SPOCK1: variants seen among roughly 807,000 people sequenced by gnomAD.
SPOCK1 encodes the protein testican-1.
SPOCK1 carries 23 observed loss-of-function variants against 55.3 expected under a neutral mutation model. That is an observed-to-expected ratio of 0.42 (90% CI 0.30 to 0.59). SPOCK1 has a LOEUF of 0.59. Among genes scored for constraint, SPOCK1 ranks in the 20% least tolerant of loss-of-function variants. The pLI is 0.22. For missense variants in SPOCK1, 499 were observed against 552.5 expected, an observed-to-expected ratio of 0.90 and a Z score of 0.97; for synonymous variants, 226 against 221.0, an observed-to-expected ratio of 1.02 and a Z score of -0.20.
intron 3 of SPOCK1, among the ~76,000 whole-genome samples, chr5:137,217,537 G>T (rs1755741412): frequency 6.6e-6 from 1 of 152,212 alleles, no homozygotes; most frequent in South Asian, 2.1e-4. Flanking sequence ...CCTCTTCAGG[G>T]ATGGGATGTA....
intron 6 of SPOCK1, among the ~76,000 whole-genome samples, chr5:137,018,701 AG>A (rs1751500723): frequency 1.3e-5 from 2 of 152,180 alleles, no homozygotes; most frequent in Admixed American, 1.3e-4. Context: ...AATGCATATT[AG>A]GATTTTTTTT....
At chr5:137,297,056 T>C (rs1757503327) in intron 2 of SPOCK1, among the ~76,000 whole-genome samples, 1 of 152,226 alleles carries the variant, frequency 6.6e-6, no homozygotes, top group South Asian at 2.1e-4. Context: ...TACATATGTG[T>C]ATATGTATAT....
At chr5:136,980,232 G>A (rs1401602102) in intron 9 of SPOCK1, among the ~76,000 whole-genome samples, 1 of 149,480 alleles carries the variant, frequency 6.7e-6, no homozygotes, top group African/African-American at 2.5e-5. Context: ...CCAATGTTAA[G>A]CAAAATTCCT....
chr5:137,037,410 G>A (rs1751904935), intron 6 of SPOCK1, among the ~76,000 whole-genome samples: 1 of 151,038 alleles, frequency 6.6e-6, no homozygotes, highest in Non-Finnish European at 1.5e-5. Context: ...AGCTCCATGA[G>A]AGCAAACCTT....
At chr5:137,453,056 A>G (rs1399717291) in intron 2 of SPOCK1, among the ~76,000 whole-genome samples, 15 of 152,216 alleles carry the variant, frequency 9.9e-5, no homozygotes, top group Admixed American at 9.8e-4. Flanking sequence ...TTTCCACTTT[A>G]TCATGTTCTT....
chr5:137,370,319 G>A (rs771384608), intron 2 of SPOCK1, among the ~76,000 whole-genome samples: 125 of 152,256 alleles, frequency 8.2e-4, no homozygotes, highest in Non-Finnish European at 1.4e-3. Context: ...GTCACACGCC[G>A]ACCGAGTCCG....
intron 3 of SPOCK1, among the ~76,000 whole-genome samples, chr5:137,243,753 G>A (rs563819606): frequency 2.6e-5 from 4 of 152,178 alleles, no homozygotes; most frequent in Non-Finnish European, 4.4e-5. Context: ...ACTGAACATG[G>A]CTAGCTGCAG....
intron 3 of SPOCK1, among the ~76,000 whole-genome samples, chr5:137,204,025 G>C (rs1326618438): frequency 6.6e-6 from 1 of 152,168 alleles, no homozygotes; most frequent in African/African-American, 2.4e-5. Flanking sequence ...TGGGGCTCTG[G>C]ATTCTGACAG....
intron 2 of SPOCK1, among the ~76,000 whole-genome samples, chr5:137,446,681 T>C (rs1176342666): frequency 1.3e-5 from 2 of 152,168 alleles, no homozygotes; most frequent in African/African-American, 4.8e-5. Context: ...GAACAAAAAA[T>C]TTACCATTGT....
At chr5:137,141,779 A>G (rs955312275) in intron 3 of SPOCK1, among the ~76,000 whole-genome samples, 4 of 152,010 alleles carry the variant, frequency 2.6e-5, no homozygotes, top group African/African-American at 9.7e-5. Context: ...TCAGGCAATC[A>G]TAAGATACTC....
intron 2 of SPOCK1, among the ~76,000 whole-genome samples, chr5:137,497,223 GC>G (rs572884117): frequency 8.9e-4 from 135 of 152,298 alleles, no homozygotes; most frequent in African/African-American, 2.9e-3. Context: ...TGTAAACCAT[GC>G]CCGGGGACAT....
intron 2 of SPOCK1, among the ~76,000 whole-genome samples, chr5:137,344,757 C>T (rs192881461): frequency 1.6e-4 from 24 of 152,298 alleles, no homozygotes; most frequent in Admixed American, 1.0e-3. Context: ...TTAGTATAAA[C>T]GCAGGTTTCT....
intron 3 of SPOCK1, among the ~76,000 whole-genome samples, chr5:137,247,416 G>A (rs1011887043): frequency 1.3e-5 from 2 of 152,192 alleles, no homozygotes; most frequent in Non-Finnish European, 2.9e-5. Context: ...GCTATGGTGA[G>A]TACCCATATC....
chr5:137,043,114 T>G (rs912568301), intron 6 of SPOCK1, among the ~76,000 whole-genome samples: 1 of 151,870 alleles, frequency 6.6e-6, no homozygotes, highest in African/African-American at 2.4e-5. Context: ...TGTTCAAGAG[T>G]AGGTAAATAA....
intron 2 of SPOCK1, among the ~76,000 whole-genome samples, chr5:137,405,901 G>A (rs1396928396): frequency 6.6e-6 from 1 of 152,084 alleles, no homozygotes; most frequent in African/African-American, 2.4e-5. Context: ...TCCTGCAATG[G>A]CCGAGTCTCC....
At chr5:137,195,078 A>G (rs1755272226) in intron 3 of SPOCK1, among the ~76,000 whole-genome samples, 1 of 152,110 alleles carries the variant, frequency 6.6e-6, no homozygotes, top group African/African-American at 2.4e-5. Context: ...AATTCACCAC[A>G]CGGCAAAGGG....
chr5:137,272,872 C>G (rs1468143344), intron 2 of SPOCK1, among the ~76,000 whole-genome samples: 2 of 152,052 alleles, frequency 1.3e-5, no homozygotes, highest in Non-Finnish European at 2.9e-5. Flanking sequence ...TATAAGTAAG[C>G]AATTCCAGTT....
At chr5:137,089,358 C>G (rs1753014242) in intron 5 of SPOCK1, among the ~76,000 whole-genome samples, 1 of 152,200 alleles carries the variant, frequency 6.6e-6, no homozygotes, top group South Asian at 2.1e-4. Flanking sequence ...ATTGTGGTGA[C>G]AGCTCCCATC....
At chr5:137,131,989 A>AAATATAT (rs1391176339) in intron 4 of SPOCK1, among the ~76,000 whole-genome samples, 4 of 36,060 alleles carry the variant, frequency 1.1e-4, no homozygotes, top group African/African-American at 5.5e-4. Context: ...AAAAAAAAAA[A>AAATATAT]ATATATATAT....
Sources: gnomAD v4.1 joint callset for allele counts (sites outside exome capture counted in the v4.1 genomes callset) on GRCh38, gnomAD v4.1.1 for gene constraint, MANE v1.5 for transcripts, NCBI Gene and HGNC (gene_info 2026-07-23, HGNC 2026-07-21) for gene names.